The following CHN1 variants were observed in gnomAD, a reference collection of about 807,000 sequenced individuals.
The protein encoded by CHN1 is chimerin 1, also known as N-chimaerin.
A neutral mutation model predicts 59.5 loss-of-function variants in CHN1; 37 were observed. The observed-to-expected ratio is 0.62, with a 90% CI of 0.48 to 0.82. The LOEUF (loss-of-function observed/expected upper bound fraction) is 0.82. CHN1 is among the 40% of genes least tolerant of loss of function. The probability of loss-of-function intolerance (pLI) is 0.00; values close to 1 mark genes in which losing one functional copy is unlikely to be tolerated. For synonymous variants in CHN1, 206 were observed against 200.4 expected (o/e 1.03, Z -0.24); for missense variants, 469 against 571.0 (o/e 0.82, Z 1.82).
At chr2:174,866,261 T>C (rs536364642) in intron 6 of CHN1, among the ~76,000 whole-genome samples, 6 of 152,310 alleles carry the variant, frequency 3.9e-5, no homozygotes, top group East Asian at 3.9e-4. Context: ...TATAGGACTA[T>C]AGAAATTCTT....
At chr2:174,934,669 A>C (rs1006512192) in intron 3 of CHN1, among the ~76,000 whole-genome samples, 1 of 152,294 alleles carries the variant, frequency 6.6e-6, no homozygotes. Context: ...CTCCAGCCAT[A>C]CTGTTACTTG....
At chr2:174,996,199 T>A (rs1226256606) in intron 1 of CHN1, among the ~76,000 whole-genome samples, 1 of 152,184 alleles carries the variant, frequency 6.6e-6, no homozygotes, top group Non-Finnish European at 1.5e-5. Context: ...GTTTACATTT[T>A]CAGAGAGTAA....
intron 3 of CHN1, among the ~76,000 whole-genome samples, chr2:174,937,701 C>T (rs1162051729): frequency 6.6e-6 from 1 of 151,882 alleles, no homozygotes; most frequent in Non-Finnish European, 1.5e-5. Context: ...ATGAATATCT[C>T]GGTGCCCTTC....
intron 3 of CHN1, among the ~76,000 whole-genome samples, chr2:174,937,475 CACCCATAAATAATAATTATT>C (rs1435360801): frequency 1.3e-5 from 2 of 152,162 alleles, no homozygotes; most frequent in Non-Finnish European, 2.9e-5. Context: ...TTACAATTAG[CACCCATAAATAATAATTATT>C]ACTTTTTAAA....
chr2:174,873,212 A>T (rs1013852000), intron 6 of CHN1, among the ~76,000 whole-genome samples: 1 of 152,128 alleles, frequency 6.6e-6, no homozygotes, highest in African/African-American at 2.4e-5. Flanking sequence ...AACTGATCTT[A>T]ACCTTGAACA....
At chr2:174,993,976 T>G (rs1202907045) in intron 1 of CHN1, among the ~76,000 whole-genome samples, 3 of 152,230 alleles carry the variant, frequency 2.0e-5, no homozygotes, top group Non-Finnish European at 4.4e-5. Context: ...TGTTTTTATT[T>G]TCAGACCTCG....
intron 3 of CHN1, among the ~76,000 whole-genome samples, chr2:174,931,362 A>C (rs1214244408): frequency 6.6e-6 from 1 of 152,234 alleles, no homozygotes; most frequent in Non-Finnish European, 1.5e-5. Context: ...TAGTGCAAGC[A>C]GTGGCCAAAC....
intron 10 of CHN1, among the ~76,000 whole-genome samples, chr2:174,809,537 G>A (rs1685007817): frequency 6.6e-6 from 1 of 152,234 alleles, no homozygotes; most frequent in Non-Finnish European, 1.5e-5. Flanking sequence ...GGGCCTAAAA[G>A]AGTAACATGC....
At chr2:174,991,640 T>C (rs767263128) in intron 1 of CHN1, among the ~76,000 whole-genome samples, 1 of 152,244 alleles carries the variant, frequency 6.6e-6, no homozygotes, top group African/African-American at 2.4e-5. Flanking sequence ...ACATGTATTT[T>C]TTCTGTTAAA....
At chr2:174,916,670 AG>A in intron 4 of CHN1, among the ~76,000 whole-genome samples, 1 of 152,180 alleles carries the variant, frequency 6.6e-6, no homozygotes, top group East Asian at 1.9e-4. Context: ...AGTTCACAGT[AG>A]GCATGTTCAA....
At chr2:174,988,852 G>C (rs140462970) in intron 1 of CHN1, among the ~76,000 whole-genome samples, 1 of 152,020 alleles carries the variant, frequency 6.6e-6, no homozygotes, top group Non-Finnish European at 1.5e-5. Context: ...AGAACACAAG[G>C]GTTTAAAGTA....
chr2:174,838,949 G>A (rs1449528613), intron 7 of CHN1, among the ~76,000 whole-genome samples: 4 of 151,724 alleles, frequency 2.6e-5, no homozygotes, highest in Non-Finnish European at 5.9e-5. Flanking sequence ...CCCAGGAGGC[G>A]GAAGTTGCAG....
chr2:174,836,012 C>CAG (rs1439482430), intron 7 of CHN1, among the ~76,000 whole-genome samples: 1 of 152,212 alleles, frequency 6.6e-6, no homozygotes, highest in Non-Finnish European at 1.5e-5. Flanking sequence ...GGCAGATCTC[C>CAG]AGAATGCCTT....
chr2:174,918,612 T>C, intron 3 of CHN1, 47 bp from the exon 4 acceptor site: 1 of 1,478,188 alleles, frequency 6.8e-7, no homozygotes, highest in Non-Finnish European at 9.3e-7. Flanking sequence ...AATGCAAATG[T>C]GCAGAACATA....
chr2:174,801,397 C>A (rs1574030631), intron 12 of CHN1, among the ~76,000 whole-genome samples: 1 of 152,202 alleles, frequency 6.6e-6, no homozygotes, highest in Non-Finnish European at 1.5e-5. Context: ...AGTGTCTTTA[C>A]AGCCACAACT....
chr2:174,890,844 C>A (rs905620656), intron 5 of CHN1, among the ~76,000 whole-genome samples: 10 of 151,956 alleles, frequency 6.6e-5, no homozygotes, highest in African/African-American at 1.9e-4. Flanking sequence ...CAAAACAAGT[C>A]TTAAAAAATT....
chr2:175,004,181 C>A (rs980048461), intron 1 of CHN1, among the ~76,000 whole-genome samples: 1 of 152,116 alleles, frequency 6.6e-6, no homozygotes, highest in Non-Finnish European at 1.5e-5. Context: ...AGTCCTTTTT[C>A]CCAACCCATT....
intron 1 of CHN1, among the ~76,000 whole-genome samples, chr2:174,960,497 T>C (rs1332045051): frequency 6.6e-6 from 1 of 152,236 alleles, no homozygotes; most frequent in Non-Finnish European, 1.5e-5. Context: ...CTCAGAAATC[T>C]GGATTCTAAA....
At chr2:174,880,517 C>A (rs1418801759) in intron 5 of CHN1, among the ~76,000 whole-genome samples, 4 of 152,124 alleles carry the variant, frequency 2.6e-5, no homozygotes, top group Non-Finnish European at 5.9e-5. Context: ...TGGATGTGCC[C>A]ATTCTACATA....
Sources: allele counts gnomAD v4.1 joint callset (sites outside exome capture counted in the v4.1 genomes callset), GRCh38; gene constraint gnomAD v4.1.1; transcripts MANE v1.5; gene names NCBI Gene and HGNC (gene_info 2026-07-23, HGNC 2026-07-21).